Variants in ZMAT4 observed in about 807,000 individuals in gnomAD.
ZMAT4 encodes zinc finger matrin-type 4, also known as zinc finger matrin-type protein 4.
Under a neutral mutation model 28.7 loss-of-function variants are expected in ZMAT4, and 17 were observed. That is an observed-to-expected ratio of 0.59 (90% confidence interval 0.41 to 0.89). The LOEUF is 0.89. Among genes scored for constraint, ZMAT4 ranks in the 40% least tolerant of loss-of-function variants. The pLI, the probability that ZMAT4 is intolerant of heterozygous loss-of-function variation, is 0.00. For synonymous variants in ZMAT4, 117 were observed against 109.2 expected, an observed-to-expected ratio of 1.07 and a Z score of -0.44; for missense variants, 240 against 283.8, an observed-to-expected ratio of 0.85 and a Z score of 1.11.
At chr8:40,791,713 A>G (rs1409170508) in intron 2 of ZMAT4, among the ~76,000 whole-genome samples, 1 of 152,186 alleles carries the variant, frequency 6.6e-6, no homozygotes, top group Non-Finnish European at 1.5e-5. Context: ...TTGACCAACT[A>G]CGGACTCTAA....
chr8:40,748,933 T>TG (rs544957615), intron 3 of ZMAT4, among the ~76,000 whole-genome samples: 36 of 152,178 alleles, frequency 2.4e-4, no homozygotes, highest in African/African-American at 8.7e-4. Flanking sequence ...AGGGACCCAG[T>TG]GGGAGATAAT....
At chr8:40,811,532 G>A (rs2150596693) in intron 2 of ZMAT4, among the ~76,000 whole-genome samples, 1 of 152,258 alleles carries the variant, frequency 6.6e-6, no homozygotes, top group Admixed American at 6.5e-5. Context: ...CATCTAAGCT[G>A]GAGTCACTTT....
intron 5 of ZMAT4, among the ~76,000 whole-genome samples, chr8:40,625,733 G>A (rs1806350310): frequency 6.6e-6 from 1 of 152,160 alleles, no homozygotes; most frequent in Non-Finnish European, 1.5e-5. Flanking sequence ...CACAGATGTA[G>A]AGCAAGGAGG....
intron 5 of ZMAT4, among the ~76,000 whole-genome samples, chr8:40,662,573 TAG>T (rs1351668457): frequency 6.6e-6 from 1 of 152,174 alleles, no homozygotes; most frequent in African/African-American, 2.4e-5. Context: ...CAAGCGTCTT[TAG>T]AGAGTGTTCC....
chr8:40,734,015 G>A (rs1811652202), intron 3 of ZMAT4, among the ~76,000 whole-genome samples: 1 of 152,264 alleles, frequency 6.6e-6, no homozygotes, highest in African/African-American at 2.4e-5. Flanking sequence ...TTCAAGGAGA[G>A]TTCCACAAGG....
chr8:40,829,608 C>A (rs969925052), intron 1 of ZMAT4, among the ~76,000 whole-genome samples: 1 of 152,172 alleles, frequency 6.6e-6, no homozygotes, highest in Admixed American at 6.5e-5. Context: ...AGAGGCACAA[C>A]CCCTGTCTTC....
chr8:40,802,462 C>T (rs1009347889), intron 2 of ZMAT4, among the ~76,000 whole-genome samples: 3 of 151,878 alleles, frequency 2.0e-5, no homozygotes, highest in African/African-American at 7.2e-5. Flanking sequence ...AAATGCAATA[C>T]TATGAATGTT....
At chr8:40,817,177 T>C (rs112024812) in intron 2 of ZMAT4, among the ~76,000 whole-genome samples, 7 of 152,262 alleles carry the variant, frequency 4.6e-5, no homozygotes, top group African/African-American at 1.7e-4. Flanking sequence ...TTGTTACTGA[T>C]ACATGGAACT....
At chr8:40,577,603 C>T (rs1804311377) in intron 6 of ZMAT4, among the ~76,000 whole-genome samples, 1 of 151,904 alleles carries the variant, frequency 6.6e-6, no homozygotes, top group Admixed American at 6.6e-5. Flanking sequence ...TAGTGTTCTA[C>T]AAAAATGTAT....
intron 3 of ZMAT4, among the ~76,000 whole-genome samples, chr8:40,710,320 C>T (rs190972579): frequency 3.3e-5 from 5 of 152,146 alleles, no homozygotes; most frequent in Admixed American, 6.5e-5. Flanking sequence ...TAAAGTATAT[C>T]AATAATTATG....
chr8:40,883,371 A>G (rs1818345079), intron 1 of ZMAT4, among the ~76,000 whole-genome samples: 2 of 152,144 alleles, frequency 1.3e-5, no homozygotes, highest in Admixed American at 1.3e-4. Flanking sequence ...CCATTTCGTC[A>G]TGGTTCACAC....
intron 3 of ZMAT4, among the ~76,000 whole-genome samples, chr8:40,718,932 C>T (rs924792912): frequency 1.3e-5 from 2 of 152,124 alleles, no homozygotes; most frequent in African/African-American, 4.8e-5. Context: ...CCAAGGTTCC[C>T]CTGTGGCACT....
In ZMAT4 at chr8:40,808,227, T is replaced by A. The variant is rs141879624; in HGVS notation, c.102+17348A>T. Among the ~76,000 whole-genome samples the A allele has an allele frequency of 4.8e-3, 728 of 151,144 alleles. 9 individuals carry two copies. Among genetic ancestry groups the A allele is most frequent in the African/African-American group, 0.016 (680 of 41,332 alleles). On this transcript the variant is annotated intron_variant, in intron 2 of 6. Coordinates refer to ENST00000297737, the MANE Select transcript of ZMAT4 (RefSeq NM_024645.3). ...CTAGCAAAATAAAAAGGATACACTA[T>A]AATACTTTCCTTTCCCTTCATTTAA...
chr8:40,674,441 A>T, intron 5 of ZMAT4: 1 of 418,060 alleles, frequency 2.4e-6, no homozygotes, highest in Non-Finnish European at 4.3e-6. Flanking sequence ...GCAGAAGGAA[A>T]ACAATCTGGT....
chr8:40,650,070 A>G (rs2118809728), intron 5 of ZMAT4, among the ~76,000 whole-genome samples: 1 of 152,292 alleles, frequency 6.6e-6, no homozygotes, highest in Non-Finnish European at 1.5e-5. Context: ...AGAAATAACT[A>G]AAATCAGAGC....
intron 2 of ZMAT4, among the ~76,000 whole-genome samples, chr8:40,787,613 A>C (rs1196589500): frequency 6.6e-6 from 1 of 152,224 alleles, no homozygotes; most frequent in Non-Finnish European, 1.5e-5. Flanking sequence ...TGCCAGCAAC[A>C]CTACTTTTGT....
intron 5 of ZMAT4, among the ~76,000 whole-genome samples, chr8:40,661,865 G>A (rs983921344): frequency 1.3e-5 from 2 of 152,206 alleles, no homozygotes; most frequent in African/African-American, 4.8e-5. Context: ...ACCCAGGAAG[G>A]GAGGGTCTTA....
chr8:40,801,950 C>T (rs949548976), intron 2 of ZMAT4, among the ~76,000 whole-genome samples: 2 of 151,906 alleles, frequency 1.3e-5, no homozygotes, highest in Non-Finnish European at 2.9e-5. Flanking sequence ...TAATCCGTTG[C>T]ATCAACGGGC....
intron 2 of ZMAT4, among the ~76,000 whole-genome samples, chr8:40,802,873 C>T (rs753174741): frequency 6.6e-6 from 1 of 152,072 alleles, no homozygotes; most frequent in Non-Finnish European, 1.5e-5. Flanking sequence ...AAAGAATAGA[C>T]AAATTGACCA....
Sources: gnomAD v4.1 joint callset for allele counts (sites outside exome capture counted in the v4.1 genomes callset) on GRCh38, gnomAD v4.1.1 for gene constraint, MANE v1.5 for transcripts, NCBI Gene and HGNC (gene_info 2026-07-23, HGNC 2026-07-21) for gene names.